Variants in ATG10 observed in about 807,000 individuals in gnomAD.
ATG10 encodes ubiquitin-like-conjugating enzyme ATG10.
In ATG10, 30 loss-of-function variants were observed where a neutral mutation model predicts 32.1. That is an observed-to-expected ratio of 0.94 (90% CI 0.70 to 1.27). ATG10 has a LOEUF of 1.27. ATG10 is among the 50% of genes most tolerant of loss of function. The pLI is 0.00. For synonymous variants in ATG10, 87 were observed against 91.5 expected, an observed-to-expected ratio of 0.95 and a Z score of 0.28; for missense variants, 233 against 262.3, an observed-to-expected ratio of 0.89 and a Z score of 0.77.
intron 3 of ATG10, among the ~76,000 whole-genome samples, chr5:82,067,647 T>C (rs115357003): frequency 0.017 from 2,514 of 152,288 alleles, 56 homozygotes; most frequent in African/African-American, 0.056. Flanking sequence ...CTAAATGGCT[T>C]CTTAAGGTTA....
intron 3 of ATG10, among the ~76,000 whole-genome samples, chr5:82,117,251 G>T (rs1765845307): frequency 6.6e-6 from 1 of 152,076 alleles, no homozygotes; most frequent in Non-Finnish European, 1.5e-5. Context: ...AAACATTATG[G>T]AGCAAAGAAT....
intron 3 of ATG10, among the ~76,000 whole-genome samples, chr5:82,138,417 T>C (rs1766861077): frequency 1.3e-5 from 2 of 152,154 alleles, no homozygotes; most frequent in Non-Finnish European, 2.9e-5. Context: ...GAGCATAGTA[T>C]CTGGGCCAGA....
At chr5:82,227,503 T>G (rs1034598584) in intron 5 of ATG10, among the ~76,000 whole-genome samples, 1 of 152,094 alleles carries the variant, frequency 6.6e-6, no homozygotes, top group Non-Finnish European at 1.5e-5. Context: ...GCCTCCCATG[T>G]AACTGGGACT....
chr5:82,109,797 A>AAT (rs1010129644), intron 3 of ATG10, among the ~76,000 whole-genome samples: 13 of 149,958 alleles, frequency 8.7e-5, no homozygotes, highest in East Asian at 1.9e-4. Context: ...TTTATTTTTT[A>AAT]ATATATATAT....
chr5:82,151,629 A>C (rs183983868), intron 3 of ATG10, among the ~76,000 whole-genome samples: 89 of 149,876 alleles, frequency 5.9e-4, no homozygotes, highest in East Asian at 1.7e-3. Context: ...CCTGGAACAA[A>C]AAAAAAAAAA....
At chr5:82,073,105 C>A (rs905780060) in intron 3 of ATG10, 1 of 152,148 alleles carries the variant, frequency 6.6e-6, no homozygotes, top group Non-Finnish European at 1.5e-5. Flanking sequence ...TATGTGAGAG[C>A]ATCCACTGAA....
At chr5:82,005,618 C>G (rs1761969679) in intron 2 of ATG10, among the ~76,000 whole-genome samples, 1 of 152,086 alleles carries the variant, frequency 6.6e-6, no homozygotes, top group Admixed American at 6.6e-5. Flanking sequence ...GGGATTTGTG[C>G]AACATTGAAA....
chr5:82,252,838 AT>A lies in ATG10; in HGVS notation c.551+184del, dbSNP rs796276590. On this transcript the variant is annotated intron_variant, in intron 6 of 7. Coordinates refer to ENST00000282185, the MANE Select transcript of ATG10 (RefSeq NM_031482.5). Reference sequence around the variant, plus strand: ...AGTTTTAGATACAGTAAGACATTGGATTTTTGCAGCATTCCTATGTGCTAAG... The same window carrying A: ...AGTTTTAGATACAGTAAGACATTGGATTTTGCAGCATTCCTATGTGCTAAG... 2.2e-5 allele frequency: 12 copies of A among 533,856 alleles called. No individual in the cohort carries two copies. The African/African-American group carries it at 2.4e-4, about 11-fold the overall frequency. The allele number at this position is 533,856 out of a possible 1,614,324, so 33.1% of individuals were successfully genotyped here.
chr5:82,098,719 T>G (rs1447799898), intron 3 of ATG10, among the ~76,000 whole-genome samples: 1 of 152,166 alleles, frequency 6.6e-6, no homozygotes, highest in Non-Finnish European at 1.5e-5. Flanking sequence ...GGTAAAGAAT[T>G]TTCAGGTCAT....
At chr5:82,216,979 C>T (rs913870504) in intron 5 of ATG10, among the ~76,000 whole-genome samples, 5 of 150,966 alleles carry the variant, frequency 3.3e-5, no homozygotes, top group South Asian at 4.2e-4. Context: ...CACTTGAACC[C>T]GGGAGGTGGA....
intron 1 of ATG10, among the ~76,000 whole-genome samples, chr5:81,981,864 TAAA>T (rs35229404): frequency 6.6e-6 from 1 of 152,136 alleles, no homozygotes; most frequent in Non-Finnish European, 1.5e-5. Context: ...TGTTTTCAAT[TAAA>T]AAGGATCATT....
intron 2 of ATG10, among the ~76,000 whole-genome samples, chr5:82,008,236 C>G (rs1338255596): frequency 6.6e-6 from 1 of 152,038 alleles, no homozygotes; most frequent in East Asian, 1.9e-4. Flanking sequence ...CTCCAGATGT[C>G]ACTAGATAAA....
intron 5 of ATG10, among the ~76,000 whole-genome samples, chr5:82,214,730 C>T (rs1261289644): frequency 1.3e-5 from 2 of 152,168 alleles, no homozygotes; most frequent in Non-Finnish European, 2.9e-5. Flanking sequence ...GAGTGGATCT[C>T]TCAAGGTGGA....
At chr5:81,989,316 G>T in intron 2 of ATG10, among the ~76,000 whole-genome samples, 1 of 152,222 alleles carries the variant, frequency 6.6e-6, no homozygotes, top group East Asian at 1.9e-4. Flanking sequence ...TCAGAACTGG[G>T]CCTGGGAGGC....
At chr5:82,139,869 C>T (rs1268963900) in intron 3 of ATG10, among the ~76,000 whole-genome samples, 61 of 142,312 alleles carry the variant, frequency 4.3e-4, no homozygotes, top group East Asian at 2.3e-4. Flanking sequence ...CCCGGCCAGC[C>T]GCCCCGTCCG....
intron 5 of ATG10, among the ~76,000 whole-genome samples, chr5:82,204,961 A>G (rs549251374): frequency 6.6e-6 from 1 of 152,356 alleles, no homozygotes; most frequent in Admixed American, 6.5e-5. Flanking sequence ...AAATGAAAGG[A>G]AAAAATAGCC....
intron 5 of ATG10, among the ~76,000 whole-genome samples, chr5:82,240,156 AT>A (rs1746727725): frequency 6.6e-6 from 1 of 152,214 alleles, no homozygotes; most frequent in Admixed American, 6.5e-5. Flanking sequence ...TGATCCAGCA[AT>A]TCTATTGCTG....
chr5:82,185,387 C>T (rs1002649628), intron 5 of ATG10, among the ~76,000 whole-genome samples: 4 of 152,070 alleles, frequency 2.6e-5, no homozygotes, highest in African/African-American at 9.7e-5. Flanking sequence ...TGGGAAGAAA[C>T]TCGTTGATTA....
chr5:82,238,744 T>C (rs1001383819), intron 5 of ATG10, among the ~76,000 whole-genome samples: 7 of 152,202 alleles, frequency 4.6e-5, no homozygotes, highest in African/African-American at 1.7e-4. Flanking sequence ...TATTCAGTGA[T>C]GTTTACTGAA....
Sources: allele counts gnomAD v4.1 joint callset (sites outside exome capture counted in the v4.1 genomes callset), GRCh38; gene constraint gnomAD v4.1.1; transcripts MANE v1.5; gene names NCBI Gene and HGNC (gene_info 2026-07-23, HGNC 2026-07-21).